Variants in NBEA observed in about 807,000 individuals in gnomAD.
The protein encoded by NBEA is lysosomal-trafficking regulator 2.
NBEA carries 44 observed loss-of-function variants against 343.4 expected under a neutral mutation model. That is an observed-to-expected ratio of 0.13 (90% CI 0.10 to 0.16). The LOEUF is 0.16. NBEA is among the 10% of genes least tolerant of loss of function. NBEA has a pLI of 1.00. For synonymous variants in NBEA, 1,175 were observed against 1,238.7 expected (o/e 0.95, Z 1.08); for missense variants, 2,555 against 3,631.3 (o/e 0.70, Z 7.62).
chr13:35,359,836 G>A (rs948189096), intron 38 of NBEA, among the ~76,000 whole-genome samples: 5 of 106,112 alleles, frequency 4.7e-5, no homozygotes, highest in Admixed American at 2.4e-4. Flanking sequence ...GTGTGTATGT[G>A]TGTGTGTGTG....
chr13:35,211,169 GA>G lies in NBEA; in HGVS notation c.5642del (p.Asn1881IlefsTer2). 6.4e-7 allele frequency: 1 copy of G among 1,554,204 alleles called. No homozygotes were observed. The highest frequency in any genetic ancestry group is 1.4e-5 in the African/African-American group (1 of 73,310). On this transcript the variant is annotated frameshift_variant, in exon 33 of 59. Transcript: ENST00000379939. LOFTEE classifies it high-confidence loss of function. ...TVAPMPEDSAENMSITAKLER... is the reference protein window; with the variant it reads ...TVAPMPEDSAXNMSITAKLER... ...TGCTCCAATGCCAGAAGATTCAGCTGAAAATATGAGGTATGCATGACTACTT... is the reference window on the plus strand; with the variant it reads ...TGCTCCAATGCCAGAAGATTCAGCTGAAATATGAGGTATGCATGACTACTT...
chr13:35,334,738 A>G (rs1185264906), intron 36 of NBEA, among the ~76,000 whole-genome samples: 1 of 152,082 alleles, frequency 6.6e-6, no homozygotes, highest in Non-Finnish European at 1.5e-5. Context: ...TGAGCTCCTT[A>G]TATATTCTGG....
At chr13:35,650,854 G>A (rs1364473150) in intron 52 of NBEA, among the ~76,000 whole-genome samples, 1 of 152,174 alleles carries the variant, frequency 6.6e-6, no homozygotes, top group Non-Finnish European at 1.5e-5. Context: ...TTGAATAGCT[G>A]AGCCATGCCG....
intron 56 of NBEA, 57 bp from the exon 57 acceptor site, chr13:35,667,317 C>G: frequency 7.0e-7 from 1 of 1,430,494 alleles, no homozygotes; most frequent in Non-Finnish European, 9.8e-7. Flanking sequence ...TTGGTGGGAG[C>G]TAGTATGTCG....
At chr13:34,986,912 C>T (rs2060569805) in intron 1 of NBEA, among the ~76,000 whole-genome samples, 1 of 150,896 alleles carries the variant, frequency 6.6e-6, no homozygotes, top group Admixed American at 6.6e-5. Flanking sequence ...TGTGTCTCTG[C>T]ACATGGGATG....
At chr13:35,237,448 T>C (rs1013305783) in intron 34 of NBEA, among the ~76,000 whole-genome samples, 7 of 152,216 alleles carry the variant, frequency 4.6e-5, no homozygotes, top group African/African-American at 1.7e-4. Flanking sequence ...TTCTTTGTTC[T>C]TCGCTCTCCT....
At chr13:35,151,926 C>T (rs2068815972) in intron 18 of NBEA, among the ~76,000 whole-genome samples, 1 of 152,056 alleles carries the variant, frequency 6.6e-6, no homozygotes, top group Non-Finnish European at 1.5e-5. Context: ...CTCTAATACA[C>T]TTAAGAATTG....
At chr13:35,555,918 T>C (rs527523949) in intron 44 of NBEA, among the ~76,000 whole-genome samples, 12 of 152,200 alleles carry the variant, frequency 7.9e-5, no homozygotes, top group Admixed American at 3.3e-4. Context: ...TTTAAAAATA[T>C]AACTATGTAA....
chr13:35,257,038 C>T (rs1485260562), intron 34 of NBEA, among the ~76,000 whole-genome samples: 1 of 152,238 alleles, frequency 6.6e-6, no homozygotes, highest in African/African-American at 2.4e-5. Flanking sequence ...GCCTCCCCCA[C>T]TGCAGTTGGT....
intron 39 of NBEA, among the ~76,000 whole-genome samples, chr13:35,442,855 A>T (rs1207999776): frequency 2.6e-5 from 4 of 152,102 alleles, no homozygotes; most frequent in Non-Finnish European, 5.9e-5. Context: ...TCTTGCTCTA[A>T]TAACCTTTTC....
intron 38 of NBEA, among the ~76,000 whole-genome samples, chr13:35,397,136 A>G (rs1399054923): frequency 1.3e-5 from 2 of 152,188 alleles, no homozygotes; most frequent in Non-Finnish European, 2.9e-5. Flanking sequence ...CTCCTTCAAG[A>G]CCCCAAATGA....
At chr13:35,096,332 C>T (rs2065329246) in intron 10 of NBEA, among the ~76,000 whole-genome samples, 1 of 151,208 alleles carries the variant, frequency 6.6e-6, no homozygotes, top group Admixed American at 6.6e-5. Flanking sequence ...GAAATTAACA[C>T]TTTATGGATA....
At chr13:34,988,547 T>C (rs1216959104) in intron 1 of NBEA, among the ~76,000 whole-genome samples, 1 of 150,892 alleles carries the variant, frequency 6.6e-6, no homozygotes, top group African/African-American at 2.4e-5. Flanking sequence ...CAGGTCGATA[T>C]CAGACTGCTG....
intron 17 of NBEA, among the ~76,000 whole-genome samples, chr13:35,130,017 A>T (rs1335050016): frequency 2.6e-5 from 4 of 152,124 alleles, no homozygotes; most frequent in Admixed American, 1.3e-4. Context: ...TAGAGTGATG[A>T]TTTACTTTTA....
At chr13:35,218,381 C>A (rs2074180462) in intron 33 of NBEA, among the ~76,000 whole-genome samples, 1 of 151,824 alleles carries the variant, frequency 6.6e-6, no homozygotes, top group African/African-American at 2.4e-5. Flanking sequence ...ACTTATTATT[C>A]CTAATTATTT....
At chr13:35,386,772 T>G (rs1183566157) in intron 38 of NBEA, among the ~76,000 whole-genome samples, 1 of 152,186 alleles carries the variant, frequency 6.6e-6, no homozygotes, top group Non-Finnish European at 1.5e-5. Context: ...TAAAAATATA[T>G]TGAGTTTTTT....
intron 41 of NBEA, among the ~76,000 whole-genome samples, chr13:35,527,734 C>A (rs1490359275): frequency 6.6e-6 from 1 of 152,216 alleles, no homozygotes; most frequent in South Asian, 2.1e-4. Context: ...GCTTCCAGGG[C>A]CCCTGAGAAC....
intron 1 of NBEA, among the ~76,000 whole-genome samples, chr13:34,993,497 A>C (rs1056819232): frequency 1.3e-5 from 2 of 152,218 alleles, no homozygotes; most frequent in African/African-American, 4.8e-5. Context: ...CCAGAGATGA[A>C]TTGCTTATTC....
chr13:35,632,997 A>G (rs1021659077), intron 49 of NBEA, among the ~76,000 whole-genome samples: 4 of 150,018 alleles, frequency 2.7e-5, no homozygotes, highest in African/African-American at 4.9e-5. Context: ...AAAGGCTTCA[A>G]TGAAGCAAGT....
Sources: allele counts gnomAD v4.1 joint callset (sites outside exome capture counted in the v4.1 genomes callset), GRCh38; gene constraint gnomAD v4.1.1; transcripts MANE v1.5; gene names NCBI Gene and HGNC (gene_info 2026-07-23, HGNC 2026-07-21).